Variants in EPB41L3 observed in about 807,000 individuals in gnomAD.
EPB41L3 encodes erythrocyte membrane protein band 4.1 like 3.
A neutral mutation model predicts 127.1 loss-of-function variants in EPB41L3; 57 were observed. That is an observed-to-expected ratio of 0.45 (90% CI 0.36 to 0.56). EPB41L3 has a LOEUF of 0.56. Among genes scored for constraint, EPB41L3 ranks in the 20% least tolerant of loss-of-function variants. The pLI is 0.00. For synonymous variants in EPB41L3, 572 were observed against 549.5 expected (o/e 1.04, Z -0.57); for missense variants, 1,273 against 1,372.2 (o/e 0.93, Z 1.14).
intron 3 of EPB41L3, among the ~76,000 whole-genome samples, chr18:5,610,943 T>G (rs151306369): frequency 1.3e-3 from 198 of 152,308 alleles, no homozygotes; most frequent in African/African-American, 4.6e-3. Context: ...TAGAACATAT[T>G]GTCAAGTAGA....
chr18:5,474,633 C>A (rs1272299897), intron 3 of EPB41L3, among the ~76,000 whole-genome samples: 2 of 152,030 alleles, frequency 1.3e-5, no homozygotes, highest in Non-Finnish European at 2.9e-5. Flanking sequence ...ATAAAATGCT[C>A]TTTTTGATGC....
intron 1 of EPB41L3, among the ~76,000 whole-genome samples, chr18:5,498,123 T>G (rs1481430552): frequency 2.0e-5 from 3 of 152,214 alleles, no homozygotes; most frequent in African/African-American, 7.2e-5. Flanking sequence ...CAGAACATAC[T>G]TAAACTTTTT....
chr18:5,620,287 T>C (rs2094845801), intron 1 of EPB41L3, among the ~76,000 whole-genome samples: 1 of 152,210 alleles, frequency 6.6e-6, no homozygotes, highest in Non-Finnish European at 1.5e-5. Flanking sequence ...TGCTGCTTAC[T>C]TTTCCTGAAA....
At position 5,424,192 on chromosome 18, in the gene EPB41L3, T is replaced by C. The variant is rs764740794; in HGVS notation, c.1163+70A>G. 45 of 1,065,950 alleles carry C rather than the reference T, an allele frequency of 4.2e-5. 1 individual carries two copies. Among genetic ancestry groups the C allele is most frequent in the African/African-American group, 3.6e-4 (22 of 61,192 alleles). The allele number at this position is 1,065,950 out of a possible 1,614,324, so 66.0% of individuals were successfully genotyped here. On this transcript the variant is annotated intron_variant, in intron 10 of 22. Coordinates refer to ENST00000341928, the MANE Select transcript of EPB41L3 (RefSeq NM_012307.5). ...AAAGAATAAAATTCCATATTTTTTA[T>C]TGACAATCTTTTTCAGTATAAGTGA...
At chr18:5,550,837 A>T (rs2093954020) in intron 3 of EPB41L3, among the ~76,000 whole-genome samples, 1 of 152,178 alleles carries the variant, frequency 6.6e-6, no homozygotes, top group South Asian at 2.1e-4. Context: ...GTACATATGT[A>T]CATGGTCTTT....
chr18:5,528,212 A>C (rs566717830), intron 1 of EPB41L3, among the ~76,000 whole-genome samples: 1 of 152,094 alleles, frequency 6.6e-6, no homozygotes, highest in Admixed American at 6.5e-5. Context: ...CTGTCACCCA[A>C]GCGTGGAGTG....
At chr18:5,548,877 C>T (rs2093924333), upstream of EPB41L3, among the ~76,000 whole-genome samples, 3 of 152,126 alleles carry the variant, frequency 2.0e-5, no homozygotes, top group Admixed American at 1.3e-4. Context: ...AGCTCTCAAC[C>T]ACATGATCAC....
chr18:5,604,306 G>A (rs2094624517), intron 3 of EPB41L3, among the ~76,000 whole-genome samples: 1 of 151,156 alleles, frequency 6.6e-6, no homozygotes, highest in Admixed American at 6.6e-5. Flanking sequence ...CCCCTTTTTG[G>A]GCACTCAGTA....
At chr18:5,394,846 A>G (rs2073079949) in intron 21 of EPB41L3, 53 bp from the exon 22 acceptor site, 1 of 1,544,600 alleles carries the variant, frequency 6.5e-7, no homozygotes, top group Non-Finnish European at 8.9e-7. Flanking sequence ...TGGAACATGC[A>G]TGATCAGTGG....
Position 5,488,582 on chromosome 18 carries a change from GATA to G in EPB41L3, c.183+416_183+418del, listed in dbSNP as rs765331687. On this transcript the variant is annotated intron_variant, in intron 2 of 22. Coordinates refer to ENST00000341928, the MANE Select transcript of EPB41L3 (RefSeq NM_012307.5). ...GTATAATAATAATGATGATGATGAT[GATA>G]ATAATAATAATAATAATAATAAAAG... Among the ~76,000 whole-genome samples the G allele has an allele frequency of 5.5e-3, 818 of 148,896 alleles. 3 individuals carry two copies. The highest frequency in any genetic ancestry group is 0.021 in the Middle Eastern group (6 of 284).
intron 3 of EPB41L3, among the ~76,000 whole-genome samples, chr18:5,570,476 A>C (rs569354622): frequency 6.6e-6 from 1 of 152,356 alleles, no homozygotes; most frequent in South Asian, 2.1e-4. Context: ...CTTGGGTACT[A>C]AACTACCATT....
chr18:5,578,078 G>A (rs2094354296), intron 3 of EPB41L3, among the ~76,000 whole-genome samples: 1 of 152,002 alleles, frequency 6.6e-6, no homozygotes. Context: ...AACCAAGCCA[G>A]TCCACTGATA....
intron 1 of EPB41L3, among the ~76,000 whole-genome samples, chr18:5,534,478 CA>C (rs2093510185): frequency 1.3e-5 from 2 of 152,152 alleles, no homozygotes; most frequent in African/African-American, 4.8e-5. Flanking sequence ...GATTGGTCCC[CA>C]AAAATTCCTT....
chr18:5,436,494 C>T (rs981892715), intron 6 of EPB41L3, among the ~76,000 whole-genome samples: 70 of 150,426 alleles, frequency 4.7e-4, no homozygotes, highest in Non-Finnish European at 1.9e-4. Context: ...CTGCAAGCTC[C>T]GCCTCCCAGG....
At chr18:5,414,084 A>C (rs1345990090) in intron 13 of EPB41L3, among the ~76,000 whole-genome samples, 2 of 152,226 alleles carry the variant, frequency 1.3e-5, no homozygotes, top group African/African-American at 2.4e-5. Flanking sequence ...GCCTTATGTT[A>C]GCTTGATGAC....
chr18:5,423,423 G>A lies in EPB41L3; in HGVS notation c.1294C>T (p.Arg432Cys). The change falls in exon 11 of 23, where the codon CGC becomes TGC. Residue 432 changes from arginine (R) to cysteine (C), a missense_variant. Arg to Cys is a radical substitution (Grantham distance 180). Around this residue, in one of 3 missense-constraint regions of EPB41L3, gnomAD observed 326 missense variants for 440.2 expected, o/e 0.74. Transcript: ENST00000341928. ...ATGGTATAACGTTTGCTGGATGAGC[G>A]TTCAAAGTAAGGTGCTGGGCGATCT... ...LIDRPAPYFE[R>C]SSSKRYTMSR... The A allele has an allele frequency of 6.2e-7, 1 of 1,613,028 alleles. No individual in the cohort carries two copies. The highest frequency in any genetic ancestry group is 8.5e-7 in the Non-Finnish European group (1 of 1,179,202).
intron 6 of EPB41L3, among the ~76,000 whole-genome samples, chr18:5,434,974 G>A (rs2079548763): frequency 6.6e-6 from 1 of 152,178 alleles, no homozygotes; most frequent in South Asian, 2.1e-4. Context: ...TGTAGGCGGT[G>A]ACAGTGATAC....
At chr18:5,547,346 G>A (rs148803936), upstream of EPB41L3, among the ~76,000 whole-genome samples, 827 of 152,246 alleles carry the variant, frequency 5.4e-3, 4 homozygotes, top group African/African-American at 0.019. Flanking sequence ...AGTAAATGCC[G>A]TTTACACAGT....
chr18:5,446,340 G>A (rs1211496355), intron 3 of EPB41L3, among the ~76,000 whole-genome samples: 4 of 152,112 alleles, frequency 2.6e-5, no homozygotes, highest in African/African-American at 7.2e-5. Flanking sequence ...GAAAAAGATG[G>A]TCATTTGGAA....
Sources: gnomAD v4.1 joint callset for allele counts (sites outside exome capture counted in the v4.1 genomes callset) on GRCh38, gnomAD v4.1.1 for gene constraint, gnomAD v4.1.1 regional missense constraint, MANE v1.5 for transcripts, NCBI Gene and HGNC (gene_info 2026-07-23, HGNC 2026-07-21) for gene names.